Variants in USP5 observed in about 807,000 individuals in gnomAD.
USP5 encodes ubiquitin specific peptidase 5.
A neutral mutation model predicts 102.5 loss-of-function variants in USP5; 24 were observed. The observed-to-expected ratio is 0.23, with a 90% confidence interval of 0.17 to 0.33. The LOEUF is 0.33. USP5 is among the 10% of genes least tolerant of loss of function. USP5 has a pLI of 1.00. For synonymous variants in USP5, 460 were observed against 434.8 expected, an observed-to-expected ratio of 1.06 and a Z score of -0.72; for missense variants, 753 against 1,122.1, an observed-to-expected ratio of 0.67 and a Z score of 4.70.
Position 6,863,048 on chromosome 12 carries a change from GA to G in USP5, c.1763-137del. On this transcript the variant is annotated intron_variant, in intron 14 of 19. Coordinates refer to ENST00000229268, the MANE Select transcript of USP5 (RefSeq NM_001098536.2). The surrounding 1 kb of genome is among the most constrained non-coding windows in gnomAD (Gnocchi z 4.7). ...CTTAGTATTATTTGTCTTATACTGGGACCCCTAAGATGGGTGCCGTGCTTTT... is the reference window on the plus strand; with the variant it reads ...CTTAGTATTATTTGTCTTATACTGGGCCCCTAAGATGGGTGCCGTGCTTTT... The G allele has an allele frequency of 5.2e-6, 4 of 770,952 alleles. No homozygotes were observed. Among genetic ancestry groups the G allele is most frequent in the Non-Finnish European group, 8.0e-6 (4 of 499,078 alleles). The allele number at this position is 770,952 out of a possible 1,614,324, so 47.8% of individuals were successfully genotyped here.
At chr12:6,865,031 G>A (rs1944394106) in intron 18 of USP5, 133 bp from the exon 19 acceptor site, 3 of 1,305,866 alleles carry the variant, frequency 2.3e-6, no homozygotes, top group Non-Finnish European at 3.2e-6. Context: ...CATGGAGACA[G>A]GCTCTGGCCC....
Position 6,855,313 on chromosome 12 carries a change from A to G in USP5, c.112-88A>G. ...GAACAGAACATTTCTTCTGGAACCC[A>G]GCAGTTTCTGACTCCAGGTTTTGGT... is the stretch of plus-strand genomic sequence containing the variant. On this transcript the variant is annotated intron_variant, in intron 1 of 19. Transcript: ENST00000229268. The surrounding 1 kb of genome is among the most constrained non-coding windows in gnomAD (Gnocchi z 4.6). 1 of 1,548,546 alleles carries G rather than the reference A, an allele frequency of 6.5e-7. No individual in the cohort carries two copies. The highest frequency in any genetic ancestry group is 8.8e-7 in the Non-Finnish European group (1 of 1,139,914).
Position 6,855,471 on chromosome 12 carries a change from A to G in USP5, c.182A>G (p.His61Arg), listed in dbSNP as rs1055409746. The change falls in exon 2 of 20, where the codon CAT (histidine) becomes CGT (arginine). Residue 61 changes from histidine (H) to arginine (R), a missense_variant. Physicochemically the swap from His to Arg is conservative, Grantham distance 29. This residue lies in a region of USP5 where 527 missense variants were observed against 816.5 expected (regional missense o/e 0.65). Transcript: ENST00000229268. This position sits in a 1 kb window ranked among gnomAD's most constrained non-coding sequence, Gnocchi z 4.6. Reference protein sequence around the residue: ...LGFGKQYVERHFNKTGQRVYL... With the variant: ...LGFGKQYVERRFNKTGQRVYL... ...TTTGGGAAACAGTATGTGGAGAGAC[A>G]TTTCAATAAGACCGGCCAGCGAGTC... 1 of 1,614,168 alleles carries G rather than the reference A, an allele frequency of 6.2e-7. No homozygotes were observed. The highest frequency in any genetic ancestry group is 8.5e-7 in the Non-Finnish European group (1 of 1,180,024).
chr12:6,866,227 T>C lies in USP5; in HGVS notation c.*150T>C. On this transcript the variant is annotated 3_prime_UTR_variant, in exon 20 of 20. Transcript: ENST00000229268. The surrounding 1 kb of genome is among the most constrained non-coding windows in gnomAD (Gnocchi z 4.7). ...GAAGAAGCTGGAGGCCGTGGGAGAA[T>C]GGCTGGGCAGAGCAGAGGGGCAGCG... 1.4e-6 allele frequency: 1 copy of C among 710,384 alleles called. No homozygotes were observed. The highest frequency in any genetic ancestry group is 2.3e-6 in the Non-Finnish European group (1 of 427,186). The allele number at this position is 710,384 out of a possible 1,614,324, so 44.0% of individuals were successfully genotyped here. A position where few individuals can be genotyped will look rare whatever the true frequency, so the allele number is the denominator to read the frequency against.
intron 7 of USP5, 106 bp downstream of exon 7, chr12:6,857,829 C>T: frequency 3.7e-6 from 4 of 1,079,484 alleles, no homozygotes; most frequent in Non-Finnish European, 4.1e-6. Flanking sequence ...TCTAGTTAAC[C>T]CCATCCCCAA....
Position 6,866,071 on chromosome 12 carries a change from C to T in USP5, c.2571C>T (p.Ala857=). The change falls in exon 20 of 20, where the codon GCC becomes GCT. Residue 857 remains alanine, a synonymous_variant. Coordinates refer to ENST00000229268, the MANE Select transcript of USP5 (RefSeq NM_001098536.2). The surrounding 1 kb of genome is among the most constrained non-coding windows in gnomAD (Gnocchi z 4.7). Reference sequence around the variant, plus strand: ...ACATCTACTTCTACCAGAGAGTGGCCAGCTAAGAGCCTGCCTCACCCCTTA... The same window carrying T: ...ACATCTACTTCTACCAGAGAGTGGCTAGCTAAGAGCCTGCCTCACCCCTTA... ...LGYIYFYQRV[A]S is the part of the protein sequence containing the mutation. The T allele has an allele frequency of 6.2e-7, 1 of 1,613,994 alleles. No individual in the cohort carries two copies. Among genetic ancestry groups the T allele is most frequent in the East Asian group, 2.2e-5 (1 of 44,884 alleles).
Position 6,855,280 on chromosome 12 carries a change from G to T in USP5, c.112-121G>T. The T allele has an allele frequency of 7.3e-7, 1 of 1,361,328 alleles. No homozygotes were observed. The highest frequency in any genetic ancestry group is 1.0e-6 in the Non-Finnish European group (1 of 989,550). 84.3% of individuals were successfully genotyped at this position (1,361,328 alleles called of 1,614,324 possible). On this transcript the variant is annotated intron_variant, in intron 1 of 19. Coordinates refer to ENST00000229268, the MANE Select transcript of USP5 (RefSeq NM_001098536.2). The surrounding 1 kb of genome is among the most constrained non-coding windows in gnomAD (Gnocchi z 4.6). ...TAAATAACTTGCCAAGGGCCACACA[G>T]TGTTAGAGAACAGAACATTTCTTCT...
chr12:6,860,479 C>G lies in USP5; in HGVS notation c.1332C>G (p.Ile444Met), dbSNP rs782305009. 6.2e-7 allele frequency: 1 copy of G among 1,613,980 alleles called. No individual in the cohort carries two copies. Among genetic ancestry groups the G allele is most frequent in the Admixed American group, 1.7e-5 (1 of 60,024 alleles). Residue 444 changes from isoleucine (I) to methionine (M), a missense_variant, in exon 11 of 20, where the codon ATC becomes ATG. Physicochemically the swap from Ile to Met is conservative, Grantham distance 10. This residue lies in a region of USP5 where 527 missense variants were observed against 816.5 expected (regional missense o/e 0.65). Transcript: ENST00000229268. The surrounding 1 kb of genome is among the most constrained non-coding windows in gnomAD (Gnocchi z 5.5). ...QDAQEFFLHLINMVERNCRSS... is the reference protein window; with the variant it reads ...QDAQEFFLHLMNMVERNCRSS... ...CCCAGGAGTTCTTCCTTCACCTTATCAACATGGTGGAGGTAAGGGCTGGCA... is the reference window on the plus strand; with the variant it reads ...CCCAGGAGTTCTTCCTTCACCTTATGAACATGGTGGAGGTAAGGGCTGGCA...
rs782762095 is a variant in USP5, at chr12:6,861,022, C to T, written c.1414C>T (p.Leu472=). The change falls in exon 12 of 20, where the codon CTG becomes TTG. Residue 472 remains leucine, a synonymous_variant. Coordinates refer to ENST00000229268, the MANE Select transcript of USP5 (RefSeq NM_001098536.2). This position sits in a 1 kb window ranked among gnomAD's most constrained non-coding sequence, Gnocchi z 4.9. ...CTTGGTGGAGGAAAAGATCAAGTGC[C>T]TGGCCACAGAGAAGGTGAAGTACAC... ...RFLVEEKIKC[L]ATEKVKYTQR... 3.7e-6 allele frequency: 6 copies of T among 1,614,236 alleles called. No homozygotes were observed. Among genetic ancestry groups the T allele is most frequent in the Non-Finnish European group, 4.2e-6 (5 of 1,180,046 alleles).
chr12:6,865,123 C>T (rs370281885), intron 18 of USP5, 41 bp from the exon 19 acceptor site: 13 of 1,549,878 alleles, frequency 8.4e-6, no homozygotes, highest in Non-Finnish European at 1.1e-5. Context: ...TCAAGCATTC[C>T]TCTTCTGTTT....
intron 14 of USP5, 30 bp downstream of exon 14, chr12:6,862,588 C>A (rs781790061): frequency 4.4e-6 from 7 of 1,596,664 alleles, no homozygotes; most frequent in Non-Finnish European, 6.0e-6. Context: ...GGAGGTTACA[C>A]AGAAAATGCT....
rs11832410 is a variant in USP5, at chr12:6,858,836, T to G, written c.1058+219T>G. ...GAGGTTGAGACCAGCCTGGGCAACATAGCGAGACCCTGTCTTCTCTTAAAA... is the reference window on the plus strand; with the variant it reads ...GAGGTTGAGACCAGCCTGGGCAACAGAGCGAGACCCTGTCTTCTCTTAAAA... On this transcript the variant is annotated intron_variant, in intron 8 of 19. Coordinates refer to ENST00000229268, the MANE Select transcript of USP5 (RefSeq NM_001098536.2). This position sits in a 1 kb window ranked among gnomAD's most constrained non-coding sequence, Gnocchi z 4.2. The G allele has an allele frequency of 4.5e-6, 2 of 448,170 alleles. No individual in the cohort carries two copies. The highest frequency in any genetic ancestry group is 8.1e-6 in the Non-Finnish European group (2 of 248,392). The allele number at this position is 448,170 out of a possible 1,614,324, so 27.8% of individuals were successfully genotyped here. A position where few individuals can be genotyped will look rare whatever the true frequency, so the allele number is the denominator to read the frequency against.
intron 1 of USP5, 101 bp downstream of exon 1, chr12:6,852,391 G>A: frequency 8.4e-7 from 1 of 1,185,620 alleles, no homozygotes; most frequent in Non-Finnish European, 1.2e-6. Flanking sequence ...TCCCTGCGAT[G>A]CACCATGGGA....
At chr12:6,854,767 T>G (rs1944059310) in intron 1 of USP5, among the ~76,000 whole-genome samples, 1 of 151,760 alleles carries the variant, frequency 6.6e-6, no homozygotes, top group African/African-American at 2.4e-5. Context: ...AAATAAAATT[T>G]TTTTTTTTTT....
In USP5 at chr12:6,863,770, G is replaced by A; in HGVS notation, c.1955-60G>A. 6.6e-7 allele frequency: 1 copy of A among 1,508,628 alleles called. No homozygotes were observed. Among genetic ancestry groups the A allele is most frequent in the Admixed American group, 2.2e-5 (1 of 45,466 alleles). 93.5% of individuals were successfully genotyped at this position (1,508,628 alleles called of 1,614,324 possible). On this transcript the variant is annotated intron_variant, in intron 15 of 19. Transcript: ENST00000229268. This position sits in a 1 kb window ranked among gnomAD's most constrained non-coding sequence, Gnocchi z 4.7. ...GGAAGAGGGCTGGGTCCTGGGGGAG[G>A]GAGGAGGAGCAAACAGTGGCCCAAT...
chr12:6,864,365 G>T lies in USP5; in HGVS notation c.2244+170G>T, dbSNP rs1309265276. ...AGCTGAAGCCTGCGTTCACTGCTGG[G>T]TTTTTTGCCCCAGAACTTGTTAAAA... On this transcript the variant is annotated intron_variant, in intron 17 of 19. Transcript: ENST00000229268. This position sits in a 1 kb window ranked among gnomAD's most constrained non-coding sequence, Gnocchi z 4.8. Among the ~76,000 whole-genome samples, 1 of 152,154 alleles carries T rather than the reference G, an allele frequency of 6.6e-6. No individual in the cohort carries two copies. Among genetic ancestry groups the T allele is most frequent in the Non-Finnish European group, 1.5e-5 (1 of 68,034 alleles).
chr12:6,865,895 C>T, intron 19 of USP5, 89 bp from the exon 20 acceptor site: 1 of 1,137,370 alleles, frequency 8.8e-7, no homozygotes, highest in Non-Finnish European at 1.3e-6. Context: ...GTGTGGAGAG[C>T]ACTTCCAGGG....
chr12:6,854,664 A>G (rs1944055055), intron 1 of USP5, among the ~76,000 whole-genome samples: 1 of 151,582 alleles, frequency 6.6e-6, no homozygotes, highest in African/African-American at 2.4e-5. Flanking sequence ...AGACTGAGGC[A>G]GAAGGATCAC....
chr12:6,858,859 A>G lies in USP5; in HGVS notation c.1058+242A>G. ...CATAGCGAGACCCTGTCTTCTCTTA[A>G]AAAAAAAAAAGAATAATTCCTGTCA... is the stretch of plus-strand genomic sequence containing the variant. On this transcript the variant is annotated intron_variant, in intron 8 of 19. Coordinates refer to ENST00000229268, the MANE Select transcript of USP5 (RefSeq NM_001098536.2). The surrounding 1 kb of genome is among the most constrained non-coding windows in gnomAD (Gnocchi z 4.2). 1.5e-5 allele frequency: 5 copies of G among 326,044 alleles called. No homozygotes were observed. Among genetic ancestry groups the G allele is most frequent in the African/African-American group, 8.4e-5 (4 of 47,752 alleles). The allele number at this position is 326,044 out of a possible 1,614,324, so 20.2% of individuals were successfully genotyped here. A position where few individuals can be genotyped will look rare whatever the true frequency, so the allele number is the denominator to read the frequency against.
Sources: gnomAD v4.1 joint callset for allele counts (sites outside exome capture counted in the v4.1 genomes callset) on GRCh38, gnomAD v4.1.1 for gene constraint, gnomAD v4.1.1 regional missense constraint, Gnocchi (gnomAD v3.1) non-coding constraint, MANE v1.5 for transcripts, NCBI Gene and HGNC (gene_info 2026-07-23, HGNC 2026-07-21) for gene names.